Variants in ERC2 observed in about 807,000 individuals in gnomAD.
ERC2 encodes ERC protein 2.
A neutral mutation model predicts 114.8 loss-of-function variants in ERC2; 42 were observed. That is an observed-to-expected ratio of 0.37 (90% CI 0.29 to 0.47). The LOEUF (loss-of-function observed/expected upper bound fraction) is 0.47. Among genes scored for constraint, ERC2 ranks in the 20% least tolerant of loss-of-function variants. The pLI is 0.99. For synonymous variants in ERC2, 454 were observed against 425.5 expected (o/e 1.07, Z -0.82); for missense variants, 939 against 1,150.7 (o/e 0.82, Z 2.66).
intron 17 of ERC2, among the ~76,000 whole-genome samples, chr3:55,530,339 G>C (rs2053588289): frequency 6.6e-6 from 1 of 152,226 alleles, no homozygotes; most frequent in African/African-American, 2.4e-5. Flanking sequence ...CAGGAAAGCA[G>C]TCACAGACAA....
chr3:55,833,638 C>T (rs1017450118), intron 14 of ERC2, among the ~76,000 whole-genome samples: 8 of 152,150 alleles, frequency 5.3e-5, no homozygotes, highest in African/African-American at 1.9e-4. Context: ...ACAACTGGTA[C>T]CAACCACTGC....
chr3:55,915,777 G>A (rs984865316), intron 13 of ERC2, among the ~76,000 whole-genome samples: 33 of 152,106 alleles, frequency 2.2e-4, no homozygotes, highest in African/African-American at 8.0e-4. Context: ...ATTTGGGGAG[G>A]TGCCTATCCA....
chr3:56,019,123 A>G, intron 7 of ERC2, 92 bp from the exon 8 acceptor site: 1 of 963,914 alleles, frequency 1.0e-6, no homozygotes, highest in Non-Finnish European at 1.5e-6. Context: ...AAAAGAAAGA[A>G]AAAGACCTGA....
At chr3:55,928,354 A>G (rs893003802) in intron 13 of ERC2, among the ~76,000 whole-genome samples, 1 of 152,198 alleles carries the variant, frequency 6.6e-6, no homozygotes, top group Non-Finnish European at 1.5e-5. Context: ...CCTTTCTCTG[A>G]TGATCAATAA....
At chr3:55,720,751 G>A (rs2064497272) in intron 15 of ERC2, among the ~76,000 whole-genome samples, 1 of 152,196 alleles carries the variant, frequency 6.6e-6, no homozygotes, top group Admixed American at 6.5e-5. Context: ...GTAGATCCTA[G>A]TTTATGTTGA....
chr3:55,667,019 T>A (rs1207621136), intron 17 of ERC2, among the ~76,000 whole-genome samples: 2 of 152,240 alleles, frequency 1.3e-5, no homozygotes, highest in East Asian at 3.8e-4. Context: ...TGTTGTATAT[T>A]ATATGTTAAA....
chr3:55,791,666 T>C (rs1202846358), intron 14 of ERC2, among the ~76,000 whole-genome samples: 3 of 152,192 alleles, frequency 2.0e-5, no homozygotes, highest in Non-Finnish European at 4.4e-5. Context: ...ATTTTGAATA[T>C]AGGACTCGAA....
intron 2 of ERC2, among the ~76,000 whole-genome samples, chr3:56,330,429 C>G (rs776662707): frequency 6.6e-6 from 1 of 152,124 alleles, no homozygotes; most frequent in Non-Finnish European, 1.5e-5. Context: ...AACTAAAGAT[C>G]TAGGAGGATG....
chr3:56,212,337 C>A (rs2049117293), intron 3 of ERC2, among the ~76,000 whole-genome samples: 2 of 152,050 alleles, frequency 1.3e-5, no homozygotes, highest in East Asian at 1.9e-4. Context: ...AAATGGCCAA[C>A]AAATACATGA....
intron 6 of ERC2, among the ~76,000 whole-genome samples, chr3:56,099,896 A>G (rs1270975957): frequency 2.0e-5 from 3 of 152,236 alleles, no homozygotes; most frequent in South Asian, 2.1e-4. Context: ...CATTTGCCTG[A>G]AGTTTCCTTC....
chr3:55,538,165 T>C (rs1228537231), intron 17 of ERC2, among the ~76,000 whole-genome samples: 2 of 152,242 alleles, frequency 1.3e-5, no homozygotes, highest in South Asian at 4.1e-4. Context: ...TCTTTTTATC[T>C]GAATTTCACA....
chr3:55,931,078 C>A (rs564185759), intron 13 of ERC2, among the ~76,000 whole-genome samples: 7 of 152,134 alleles, frequency 4.6e-5, no homozygotes, highest in African/African-American at 1.2e-4. Context: ...GTTAGAATGG[C>A]GATCATTAAA....
chr3:55,792,134 G>T (rs2070087356), intron 14 of ERC2, among the ~76,000 whole-genome samples: 1 of 152,182 alleles, frequency 6.6e-6, no homozygotes, highest in Non-Finnish European at 1.5e-5. Flanking sequence ...GACTATAATA[G>T]TCTAAGTACA....
chr3:55,510,519 G>A lies in ERC2; in HGVS notation c.*797C>T, dbSNP rs1293788125. 6.6e-6 allele frequency: 1 copy of A among 152,558 alleles called. No homozygotes were observed. Among genetic ancestry groups the A allele is most frequent in the South Asian group, 2.1e-4 (1 of 4,820 alleles). The allele number at this position is 152,558 out of a possible 1,614,324, so 9.5% of individuals were successfully genotyped here. A position where few individuals can be genotyped will look rare whatever the true frequency, so the allele number is the denominator to read the frequency against. Reference sequence around the variant, plus strand: ...TACATGACTGGGTAGATAAAATTATGAATGATCAATTTAGATGTGCCACGC... The same window carrying A: ...TACATGACTGGGTAGATAAAATTATAAATGATCAATTTAGATGTGCCACGC... On this transcript the variant is annotated 3_prime_UTR_variant, in exon 18 of 18. Coordinates refer to ENST00000288221, the MANE Select transcript of ERC2 (RefSeq NM_015576.3).
chr3:56,393,118 C>T (rs761543006), intron 2 of ERC2, among the ~76,000 whole-genome samples: 47 of 152,218 alleles, frequency 3.1e-4, no homozygotes, highest in Non-Finnish European at 5.9e-4. Context: ...CCATTCCTGG[C>T]CAGGCACAGT....
intron 6 of ERC2, among the ~76,000 whole-genome samples, chr3:56,097,572 G>C (rs536827894): frequency 6.6e-6 from 1 of 152,260 alleles, no homozygotes; most frequent in East Asian, 1.9e-4. Context: ...TCTTGAGGCA[G>C]TGGTTTCTTT....
chr3:56,350,979 G>A (rs1271341895), intron 2 of ERC2, among the ~76,000 whole-genome samples: 2 of 152,196 alleles, frequency 1.3e-5, no homozygotes, highest in African/African-American at 2.4e-5. Context: ...CAAGCCCAAG[G>A]TCACCTTGCT....
chr3:56,440,265 C>A (rs1000014481), intron 1 of ERC2, among the ~76,000 whole-genome samples: 1 of 152,138 alleles, frequency 6.6e-6, no homozygotes, highest in Non-Finnish European at 1.5e-5. Context: ...TGAATGCGGC[C>A]GGGCGAGGTG....
chr3:56,032,333 A>G (rs977587345), intron 7 of ERC2, among the ~76,000 whole-genome samples: 12 of 152,202 alleles, frequency 7.9e-5, no homozygotes, highest in Non-Finnish European at 1.3e-4. Context: ...CACAAACTCA[A>G]AGACAGATCC....
Sources: gnomAD v4.1 joint callset for allele counts (sites outside exome capture counted in the v4.1 genomes callset) on GRCh38, gnomAD v4.1.1 for gene constraint, MANE v1.5 for transcripts, NCBI Gene and HGNC (gene_info 2026-07-23, HGNC 2026-07-21) for gene names.